The following THSD4 variants were observed in gnomAD, a reference collection of about 807,000 sequenced individuals.
The protein encoded by THSD4 is thrombospondin type-1 domain-containing protein 4.
Under a neutral mutation model 119.0 loss-of-function variants are expected in THSD4, and 69 were observed. That is an observed-to-expected ratio of 0.58 (90% CI 0.48 to 0.71). The LOEUF (loss-of-function observed/expected upper bound fraction) is 0.71. Among genes scored for constraint, THSD4 ranks in the 30% least tolerant of loss-of-function variants. The probability of loss-of-function intolerance (pLI) is 0.00; values close to 1 mark genes in which losing one functional copy is unlikely to be tolerated. For missense variants in THSD4, 1,393 were observed against 1,391.1 expected (o/e 1.00, Z -0.02); for synonymous variants, 524 against 540.4 (o/e 0.97, Z 0.42).
At chr15:71,347,704 G>A (rs1459557144) in intron 6 of THSD4, among the ~76,000 whole-genome samples, 1 of 152,158 alleles carries the variant, frequency 6.6e-6, no homozygotes, top group Non-Finnish European at 1.5e-5. Context: ...TTTCTCACTT[G>A]TGCTAGCTGT....
intron 6 of THSD4, among the ~76,000 whole-genome samples, chr15:71,260,819 G>A (rs1333767475): frequency 2.0e-5 from 3 of 152,204 alleles, no homozygotes; most frequent in Admixed American, 6.5e-5. Context: ...GGTACCCCTA[G>A]GCCAGGTGCG....
At chr15:71,516,337 T>C (rs1404046063) in intron 7 of THSD4, among the ~76,000 whole-genome samples, 1 of 152,188 alleles carries the variant, frequency 6.6e-6, no homozygotes, top group African/African-American at 2.4e-5. Flanking sequence ...ATGCAAGGGT[T>C]GGAGTGTTGG....
chr15:71,660,433 C>A (rs62024297), intron 7 of THSD4, 97 bp from the exon 8 acceptor site: 387,791 of 1,462,618 alleles, frequency 0.27, 56,841 homozygotes, highest in East Asian at 0.68. Flanking sequence ...TCGTAAATAG[C>A]TAGAAAAGAA....
At chr15:71,569,854 C>T (rs115070255) in intron 7 of THSD4, among the ~76,000 whole-genome samples, 2,260 of 152,138 alleles carry the variant, frequency 0.015, 55 homozygotes, top group African/African-American at 0.049. Flanking sequence ...GTTAGCTGAA[C>T]GTGGTGGTGT....
chr15:71,498,929 T>C (rs2048069437), intron 7 of THSD4, among the ~76,000 whole-genome samples: 1 of 150,568 alleles, frequency 6.6e-6, no homozygotes, highest in South Asian at 2.1e-4. Flanking sequence ...GGTCTTGAAC[T>C]CCTGAACTCA....
Position 71,772,511 on chromosome 15 carries a change from G to T in THSD4, c.2914+1303G>T, listed in dbSNP as rs1379956724. On this transcript the variant is annotated intron_variant, in intron 17 of 17. Coordinates refer to ENST00000261862, the MANE Select transcript of THSD4 (RefSeq NM_024817.3). ...TAGAAACATTAACATGTTCCTGAAT[G>T]GGAACACTCAATACTATAAAGGTGA... is the stretch of plus-strand genomic sequence containing the variant. Among the ~76,000 whole-genome samples, 4 of 152,194 alleles carry T rather than the reference G, an allele frequency of 2.6e-5. No individual in the cohort carries two copies. In the East Asian group the frequency reaches 7.7e-4, roughly 29 times the overall value.
At chr15:71,394,778 CTT>C (rs1212283334) in intron 6 of THSD4, among the ~76,000 whole-genome samples, 7 of 152,220 alleles carry the variant, frequency 4.6e-5, no homozygotes, top group Non-Finnish European at 4.4e-5. Context: ...CCCTGGGAGA[CTT>C]TGCCATCACA....
intron 7 of THSD4, among the ~76,000 whole-genome samples, chr15:71,430,228 A>C (rs2046923662): frequency 6.6e-6 from 1 of 152,164 alleles, no homozygotes; most frequent in Non-Finnish European, 1.5e-5. Flanking sequence ...CAGGGCTAGA[A>C]TCTAACAACA....
intron 6 of THSD4, among the ~76,000 whole-genome samples, chr15:71,296,523 T>C (rs934648718): frequency 6.6e-6 from 1 of 152,158 alleles, no homozygotes; most frequent in African/African-American, 2.4e-5. Flanking sequence ...CAAGTCTCTC[T>C]GGGTGTTTGT....
chr15:71,377,879 C>T (rs75991079), intron 6 of THSD4, among the ~76,000 whole-genome samples: 1 of 78,426 alleles, frequency 1.3e-5, no homozygotes, highest in South Asian at 4.5e-4. Context: ...CACACACACA[C>T]ACACACACAC....
chr15:71,781,371 G>A lies in THSD4; in HGVS notation c.*3997G>A, dbSNP rs2053996054. 1 of 153,214 alleles carries A rather than the reference G, an allele frequency of 6.5e-6. No individual in the cohort carries two copies. The highest frequency in any genetic ancestry group is 1.5e-5 in the Non-Finnish European group (1 of 68,734). 9.5% of individuals were successfully genotyped at this position (153,214 alleles called of 1,614,324 possible). A position where few individuals can be genotyped will look rare whatever the true frequency, so the allele number is the denominator to read the frequency against. ...TTGACTAAGCTCAGTGTGAGTCAAAGTGGGATGGAACCATGCAAAAACAAA... is the reference window on the plus strand; with the variant it reads ...TTGACTAAGCTCAGTGTGAGTCAAAATGGGATGGAACCATGCAAAAACAAA... On this transcript the variant is annotated 3_prime_UTR_variant, in exon 18 of 18. Transcript: ENST00000261862.
At chr15:71,353,671 C>T (rs557451212) in intron 6 of THSD4, among the ~76,000 whole-genome samples, 1 of 152,310 alleles carries the variant, frequency 6.6e-6, no homozygotes, top group South Asian at 2.1e-4. Flanking sequence ...CAATTCTAAA[C>T]AGAGTCTGTT....
intron 8 of THSD4, among the ~76,000 whole-genome samples, chr15:71,669,308 A>G (rs1218739833): frequency 2.0e-5 from 3 of 152,326 alleles, no homozygotes; most frequent in Non-Finnish European, 2.9e-5. Flanking sequence ...AAGAACTCAT[A>G]TACATAATCA....
In THSD4 at chr15:71,780,519, A is replaced by C. The variant is rs1444416387; in HGVS notation, c.*3145A>C. The C allele has an allele frequency of 2.9e-5, 9 of 309,684 alleles. 1 individual carries two copies. The Admixed American group carries it at 3.6e-4, about 12-fold the overall frequency. 19.2% of individuals were successfully genotyped at this position (309,684 alleles called of 1,614,324 possible). ...GGATGGCCTAAGAAATACAACTAAA[A>C]AAACAAACAAAAACACCAAAAGAAA... On this transcript the variant is annotated 3_prime_UTR_variant, in exon 18 of 18. Transcript: ENST00000261862.
intron 7 of THSD4, among the ~76,000 whole-genome samples, chr15:71,457,978 A>G (rs549590876): frequency 6.6e-6 from 1 of 152,312 alleles, no homozygotes; most frequent in African/African-American, 2.4e-5. Context: ...GGGATCTGTG[A>G]TATTAGCAGT....
chr15:71,131,644 T>TC (rs1333704804), intron 1 of THSD4, among the ~76,000 whole-genome samples: 1 of 152,222 alleles, frequency 6.6e-6, no homozygotes, highest in East Asian at 1.9e-4. Flanking sequence ...CCATTTTTTT[T>TC]CCCTATTGTG....
At chr15:71,749,844 C>G (rs890751599) in intron 14 of THSD4, among the ~76,000 whole-genome samples, 1 of 151,876 alleles carries the variant, frequency 6.6e-6, no homozygotes, top group African/African-American at 2.4e-5. Flanking sequence ...CTCAGCACCC[C>G]CTGCCCCCCT....
chr15:71,164,722 G>T, intron 3 of THSD4: 1 of 1,561,056 alleles, frequency 6.4e-7, no homozygotes, highest in East Asian at 2.2e-5. Context: ...GTGTACAGGG[G>T]GGTTAAATGC....
intron 7 of THSD4, among the ~76,000 whole-genome samples, chr15:71,651,108 G>C (rs1267621738): frequency 6.6e-6 from 1 of 152,120 alleles, no homozygotes; most frequent in Non-Finnish European, 1.5e-5. Context: ...TCCATCAAAG[G>C]CCTGCCCCCC....
Sources: allele counts gnomAD v4.1 joint callset (sites outside exome capture counted in the v4.1 genomes callset), GRCh38; gene constraint gnomAD v4.1.1; transcripts MANE v1.5; gene names NCBI Gene and HGNC (gene_info 2026-07-23, HGNC 2026-07-21).